SYNE1: variants seen among roughly 807,000 people sequenced by gnomAD.
The protein encoded by SYNE1 is nesprin-1.
SYNE1 carries 616 observed loss-of-function variants against 1,111.0 expected under a neutral mutation model. That is an observed-to-expected ratio of 0.55 (90% CI 0.52 to 0.59). The LOEUF (loss-of-function observed/expected upper bound fraction) is 0.59, where lower values mean the gene tolerates loss of function less well. SYNE1 is among the 20% of genes least tolerant of loss of function. SYNE1 has a pLI of 0.00. For synonymous variants in SYNE1, 3,855 were observed against 3,825.8 expected, an observed-to-expected ratio of 1.01 and a Z score of -0.28; for missense variants, 10,006 against 10,417.0, an observed-to-expected ratio of 0.96 and a Z score of 1.72.
At chr6:152,434,853 TA>T (rs755588349) in intron 33 of SYNE1, 2 of 152,090 alleles carry the variant, frequency 1.3e-5, no homozygotes, top group Non-Finnish European at 2.9e-5. Context: ...ACTGTCAAAT[TA>T]AATAATATTG....
chr6:152,582,170 G>A (rs966812130), intron 3 of SYNE1, among the ~76,000 whole-genome samples: 2 of 152,086 alleles, frequency 1.3e-5, no homozygotes, highest in African/African-American at 4.8e-5. Flanking sequence ...CTGAAGGGAA[G>A]TTTTTCAAGT....
At chr6:152,444,606 G>A (rs748173768) in intron 29 of SYNE1, 28 bp from the exon 30 acceptor site, 15 of 1,565,136 alleles carry the variant, frequency 9.6e-6, no homozygotes, top group South Asian at 7.0e-5. Context: ...AAAAAAACAC[G>A]TAAATCATAT....
At chr6:152,168,110 T>C (rs2064117232) in intron 130 of SYNE1, 2 of 780,442 alleles carry the variant, frequency 2.6e-6, no homozygotes, top group African/African-American at 3.4e-5. Flanking sequence ...AGAAGATGCC[T>C]GCCTTGTGAC....
Position 152,350,712 on chromosome 6 carries a change from C to T in SYNE1, c.11639G>A (p.Gly3880Asp). ...EPSVKSVREK[G>D]EALLELVQDV... Reference sequence around the variant, plus strand: ...CTGCACCAGTTCCAAAAGAGCTTCACCCTTCTCTCTCACTGACTTTACTGA... The same window carrying T: ...CTGCACCAGTTCCAAAAGAGCTTCATCCTTCTCTCTCACTGACTTTACTGA... The change falls in exon 71 of 146, where the codon GGT (glycine) becomes GAT (aspartate). Residue 3880 changes from glycine (G) to aspartate (D), a missense_variant. By Grantham distance (94) the Gly-to-Asp change is moderately conservative. Around this residue, in one of 7 missense-constraint regions of SYNE1, gnomAD observed 4,955 missense variants for 5,017.2 expected, o/e 0.99. Coordinates refer to ENST00000367255, the MANE Select transcript of SYNE1 (RefSeq NM_182961.4). The T allele has an allele frequency of 6.2e-7, 1 of 1,614,080 alleles. No homozygotes were observed. The highest frequency in any genetic ancestry group is 8.5e-7 in the Non-Finnish European group (1 of 1,180,014).
intron 117 of SYNE1, 105 bp downstream of exon 117, chr6:152,224,389 G>A (rs535765369): frequency 4.9e-5 from 51 of 1,043,860 alleles, no homozygotes; most frequent in African/African-American, 1.6e-4. Context: ...ATAATTAAAC[G>A]TAAACAACAT....
At position 152,220,918 on chromosome 6, in the gene SYNE1, G is replaced by T. The variant is rs764961400; in HGVS notation, c.21785C>A (p.Thr7262Asn). 4.0e-5 allele frequency: 64 copies of T among 1,614,152 alleles called. 1 individual carries two copies. In the South Asian group the frequency reaches 6.9e-4, roughly 17 times the overall value. The change falls in exon 119 of 146, where the codon ACC becomes AAC. Residue 7262 changes from threonine to asparagine, a missense_variant. Thr to Asn is a moderately conservative substitution (Grantham distance 65, BLOSUM62 0). This residue lies in a region of SYNE1 where 2,182 missense variants were observed against 2,287.8 expected (regional missense o/e 0.95). Coordinates refer to ENST00000367255, the MANE Select transcript of SYNE1 (RefSeq NM_182961.4). ...ASTVQQQEDR[T>N]NELLKAATNK... ...TGTGGCTGCCTTCAACAGCTCATTG[G>T]TTCGATCCTCCTGCTGCTGAACTGT...
At chr6:152,233,262 A>C (rs1375359083) in intron 112 of SYNE1, among the ~76,000 whole-genome samples, 1 of 152,040 alleles carries the variant, frequency 6.6e-6, no homozygotes, top group Non-Finnish European at 1.5e-5. Context: ...ACATACCCAC[A>C]CCCACATACA....
At chr6:152,382,347 T>C (rs2097434384) in intron 55 of SYNE1, among the ~76,000 whole-genome samples, 1 of 152,158 alleles carries the variant, frequency 6.6e-6, no homozygotes, top group African/African-American at 2.4e-5. Context: ...TAAAGAAACA[T>C]TGGAATGTTA....
Position 152,523,578 on chromosome 6 carries a change from A to G in SYNE1, c.225+2502T>C, listed in dbSNP as rs149602606. On this transcript the variant is annotated intron_variant, in intron 5 of 145. Transcript: ENST00000367255. ...GTGAATTTTAGAATTGTTTTTTCTA[A>G]TTCTGTGAAAAATTATGTTGGTATT... is the stretch of plus-strand genomic sequence containing the variant. Among the ~76,000 whole-genome samples the G allele has an allele frequency of 5.9e-3, 901 of 152,166 alleles. 8 individuals carry two copies. The highest frequency in any genetic ancestry group is 0.021 in the African/African-American group (875 of 41,528).
intron 3 of SYNE1, among the ~76,000 whole-genome samples, chr6:152,600,581 A>C (rs2099593807): frequency 6.6e-6 from 1 of 152,170 alleles, no homozygotes; most frequent in South Asian, 2.1e-4. Context: ...AATAATGCAA[A>C]AAAGAAACAA....
At chr6:152,627,752 A>G (rs191795504) in intron 3 of SYNE1, among the ~76,000 whole-genome samples, 38 of 152,304 alleles carry the variant, frequency 2.5e-4, no homozygotes, top group African/African-American at 9.1e-4. Context: ...CCTGCCACGA[A>G]CAATTCATCT....
chr6:152,404,307 A>T lies in SYNE1; in HGVS notation c.6731T>A (p.Val2244Asp). ...EELLKEFESEVKNKALRLEEL... is the reference protein window; with the variant it reads ...EELLKEFESEDKNKALRLEEL... ...TTCCAATCTCAATGCTTTGTTTTTA[A>T]CTTCAGACTGCCAAAAGGGAAGAAA... is the stretch of plus-strand genomic sequence containing the variant. Residue 2244 changes from valine (V) to aspartate (D), a missense_variant, in exon 46 of 146, where the codon GTT (valine) becomes GAT (aspartate). Physicochemically the swap from Val to Asp is radical, Grantham distance 152. Around this residue, in one of 7 missense-constraint regions of SYNE1, gnomAD observed 4,955 missense variants for 5,017.2 expected, o/e 0.99. Transcript: ENST00000367255. 6.2e-7 allele frequency: 1 copy of T among 1,610,550 alleles called. No homozygotes were observed. The highest frequency in any genetic ancestry group is 1.1e-5 in the South Asian group (1 of 90,982).
chr6:152,256,882 T>C, intron 101 of SYNE1, 117 bp from the exon 102 acceptor site: 1 of 1,457,054 alleles, frequency 6.9e-7, no homozygotes, highest in African/African-American at 1.4e-5. Flanking sequence ...AAATTTCTTC[T>C]AGAGAAATAT....
In SYNE1 at chr6:152,342,988, C is replaced by T. The variant is rs542436693; in HGVS notation, c.12225+1093G>A. On this transcript the variant is annotated intron_variant, in intron 74 of 145. Transcript: ENST00000367255. ...TATCTGTAGTGTGATATTTGCATTT[C>T]ATTATAACTTTTAGAAGTAAGTATA... Among the ~76,000 whole-genome samples, 4 of 152,060 alleles carry T rather than the reference C, an allele frequency of 2.6e-5. No homozygotes were observed. The East Asian group carries it at 5.8e-4, about 22-fold the overall frequency.
intron 2 of SYNE1, among the ~76,000 whole-genome samples, chr6:152,635,867 A>G (rs1330566618): frequency 6.6e-6 from 1 of 152,144 alleles, no homozygotes; most frequent in East Asian, 1.9e-4. Flanking sequence ...TATTTACGGA[A>G]GGGGGCAGAA....
rs758595660 is a variant in SYNE1 at position 152,148,228 on chromosome 6, G to A, written c.24793C>T (p.Leu8265Phe). The A allele has an allele frequency of 6.2e-7, 1 of 1,614,050 alleles. No homozygotes were observed. Among genetic ancestry groups the A allele is most frequent in the Non-Finnish European group, 8.5e-7 (1 of 1,179,944 alleles). The change falls in exon 137 of 146, where the codon CTC (leucine) becomes TTC (phenylalanine). Residue 8265 changes from leucine to phenylalanine, a missense_variant. Physicochemically the swap from Leu to Phe is conservative, Grantham distance 22. Transcript: ENST00000367255. The surrounding 1 kb of genome is among the most constrained non-coding windows in gnomAD (Gnocchi z 4.1). The part of the protein sequence containing the change: ...SNLSLSLAQP[L>F]RSERSGRDTP... ...TCTCGTCCTGACCGCTCGCTCCGGA[G>A]GGGCTGAGCGAGCGAGAGGGAGAGA...
rs2097591134 is a variant in SYNE1, at chr6:152,390,403, A to G, written c.8054T>C (p.Ile2685Thr). ...GEGEVKLNMA[I>T]GKGEQALRSS... Reference sequence around the variant, plus strand: ...TCTCAAGGCCTGTTCCCCCTTGCCAATGGCCATATTCAACTTAACTTCCCC... The same window carrying G: ...TCTCAAGGCCTGTTCCCCCTTGCCAGTGGCCATATTCAACTTAACTTCCCC... The change falls in exon 53 of 146, where the codon ATT becomes ACT. Residue 2685 changes from isoleucine to threonine, a missense_variant. By Grantham distance (89) the Ile-to-Thr change is moderately conservative. Coordinates refer to ENST00000367255, the MANE Select transcript of SYNE1 (RefSeq NM_182961.4). The G allele has an allele frequency of 1.2e-6, 2 of 1,614,100 alleles. No individual in the cohort carries two copies. Among genetic ancestry groups the G allele is most frequent in the East Asian group, 2.2e-5 (1 of 44,864 alleles).
chr6:152,170,743 A>T (rs1349332503), intron 130 of SYNE1, among the ~76,000 whole-genome samples: 2 of 152,228 alleles, frequency 1.3e-5, no homozygotes, highest in African/African-American at 4.8e-5. Context: ...ACAGCCTTTG[A>T]ACTCCCTCTG....
At chr6:152,606,947 C>A (rs1308540727) in intron 3 of SYNE1, among the ~76,000 whole-genome samples, 1 of 149,876 alleles carries the variant, frequency 6.7e-6, no homozygotes, top group East Asian at 2.0e-4. Context: ...AGCCACCGCG[C>A]CCGGCAAAAG....
Sources: allele counts gnomAD v4.1 joint callset (sites outside exome capture counted in the v4.1 genomes callset), GRCh38; gene constraint gnomAD v4.1.1; regional missense constraint gnomAD v4.1.1; non-coding constraint Gnocchi (gnomAD v3.1); transcripts MANE v1.5; gene names NCBI Gene and HGNC (gene_info 2026-07-23, HGNC 2026-07-21).